PKIB: variants seen among roughly 807,000 people sequenced by gnomAD.
PKIB encodes cAMP-dependent protein kinase inhibitor beta.
A neutral mutation model predicts 4.5 loss-of-function variants in PKIB; 2 were observed. The ratio of observed to expected loss-of-function variants is 0.44; its 90% confidence interval spans 0.18 to 1.39. The LOEUF is 1.39. PKIB is among the 40% of genes most tolerant of loss of function. The pLI, the probability that PKIB is intolerant of heterozygous loss-of-function variation, is 0.27. For synonymous variants in PKIB, 38 were observed against 36.0 expected, an observed-to-expected ratio of 1.06 and a Z score of -0.20; for missense variants, 94 against 92.6, an observed-to-expected ratio of 1.02 and a Z score of -0.06.
intron 2 of PKIB, among the ~76,000 whole-genome samples, chr6:122,555,313 A>G (rs1269133792): frequency 1.3e-5 from 2 of 152,226 alleles, no homozygotes; most frequent in Non-Finnish European, 2.9e-5. Flanking sequence ...GAAAACACAC[A>G]ATGTATTCTA....
At chr6:122,576,961 A>AG (rs1321236957) in intron 2 of PKIB, among the ~76,000 whole-genome samples, 1 of 152,076 alleles carries the variant, frequency 6.6e-6, no homozygotes, top group Non-Finnish European at 1.5e-5. Flanking sequence ...GACAGCCACC[A>AG]GGTCTATCTC....
At chr6:122,588,100 T>G (rs1368888642) in intron 3 of PKIB, among the ~76,000 whole-genome samples, 1 of 152,182 alleles carries the variant, frequency 6.6e-6, no homozygotes. Context: ...TCCTTGCCCA[T>G]GCCTATGTCC....
chr6:122,694,270 C>T (rs1400737815), intron 3 of PKIB, among the ~76,000 whole-genome samples: 1 of 152,150 alleles, frequency 6.6e-6, no homozygotes, highest in Non-Finnish European at 1.5e-5. Flanking sequence ...GTCAGACATA[C>T]TGAATCAAAA....
At chr6:122,576,397 G>A (rs970177003) in intron 2 of PKIB, among the ~76,000 whole-genome samples, 6 of 151,664 alleles carry the variant, frequency 4.0e-5, no homozygotes, top group Admixed American at 1.3e-4. Context: ...GGCTGGGCGC[G>A]GTGGCTCACG....
intron 2 of PKIB, among the ~76,000 whole-genome samples, chr6:122,577,275 T>TA (rs370991764): frequency 2.9e-4 from 44 of 152,118 alleles, no homozygotes; most frequent in African/African-American, 8.4e-4. Context: ...ACTTTTAAGT[T>TA]AAAAAAAAGT....
chr6:122,524,323 C>T (rs1454841917), intron 2 of PKIB, among the ~76,000 whole-genome samples: 1 of 147,492 alleles, frequency 6.8e-6, no homozygotes, highest in Non-Finnish European at 1.5e-5. Context: ...TTTTCCTCTT[C>T]CTCCTCCTCC....
At chr6:122,612,666 G>A (rs1774810390) in intron 1 of PKIB, among the ~76,000 whole-genome samples, 1 of 152,068 alleles carries the variant, frequency 6.6e-6, no homozygotes, top group Non-Finnish European at 1.5e-5. Flanking sequence ...CCATTGTATG[G>A]ATATACCACA....
chr6:122,580,447 A>G (rs932222167), intron 2 of PKIB, among the ~76,000 whole-genome samples: 1 of 152,192 alleles, frequency 6.6e-6, no homozygotes, highest in African/African-American at 2.4e-5. Context: ...GTTATTCATT[A>G]AGTGAACTAT....
At chr6:122,690,059 G>A (rs1265003954) in intron 3 of PKIB, among the ~76,000 whole-genome samples, 1 of 151,804 alleles carries the variant, frequency 6.6e-6, no homozygotes, top group Non-Finnish European at 1.5e-5. Context: ...TTTGATATAA[G>A]TATAGTTACT....
intron 3 of PKIB, among the ~76,000 whole-genome samples, chr6:122,692,032 T>C (rs1042046486): frequency 1.3e-5 from 2 of 152,146 alleles, no homozygotes; most frequent in South Asian, 2.1e-4. Context: ...CTTTACTTTC[T>C]CCCAAACAAA....
At chr6:122,669,284 T>A (rs554084750) in intron 2 of PKIB, among the ~76,000 whole-genome samples, 2 of 152,326 alleles carry the variant, frequency 1.3e-5, no homozygotes, top group South Asian at 4.1e-4. Flanking sequence ...GAACTGTAAT[T>A]AATGCCTTTC....
intron 3 of PKIB, among the ~76,000 whole-genome samples, chr6:122,588,828 T>G (rs886443873): frequency 4.6e-5 from 7 of 152,254 alleles, no homozygotes; most frequent in East Asian, 1.9e-4. Context: ...TCTAGTCCTA[T>G]CTCCAAATTA....
At chr6:122,568,166 A>C (rs368085513) in intron 2 of PKIB, among the ~76,000 whole-genome samples, 11 of 152,296 alleles carry the variant, frequency 7.2e-5, no homozygotes, top group African/African-American at 2.4e-4. Flanking sequence ...TTTCAAAGGT[A>C]ATATGATGAA....
intron 2 of PKIB, among the ~76,000 whole-genome samples, chr6:122,528,958 C>T (rs546172410): frequency 6.6e-6 from 1 of 152,264 alleles, no homozygotes; most frequent in Admixed American, 6.5e-5. Flanking sequence ...CAAATGATCA[C>T]ACCGCTAACT....
intron 2 of PKIB, among the ~76,000 whole-genome samples, chr6:122,562,000 T>TAGATAC (rs1218652077): frequency 7.6e-6 from 1 of 131,706 alleles, no homozygotes; most frequent in Non-Finnish European, 1.5e-5. Flanking sequence ...TTTTGTTTTT[T>TAGATAC]TTTGTTTTTT....
intron 2 of PKIB, among the ~76,000 whole-genome samples, chr6:122,539,940 T>A (rs1319024460): frequency 6.6e-6 from 1 of 152,124 alleles, no homozygotes; most frequent in Non-Finnish European, 1.5e-5. Context: ...ATTTATCCAT[T>A]TCTTCTAGAT....
chr6:122,504,134 C>T lies in PKIB; in HGVS notation c.-248+26195C>T, dbSNP rs1031957567. Among the ~76,000 whole-genome samples the T allele has an allele frequency of 5.7e-4, 87 of 151,882 alleles. 1 individual carries two copies. The highest frequency in any genetic ancestry group is 5.5e-3 in the Admixed American group (84 of 15,258). On this transcript the variant is annotated intron_variant, in intron 2 of 6. Coordinates refer to the PKIB transcript ENST00000392491. ...TTGTTGCCTTTTGTGGTAGACTTTG[C>T]GGTAATGATAAATATTTTTTTTATG...
intron 2 of PKIB, among the ~76,000 whole-genome samples, chr6:122,528,346 A>T (rs572568186): frequency 6.6e-6 from 1 of 152,104 alleles, no homozygotes; most frequent in Non-Finnish European, 1.5e-5. Flanking sequence ...CATTCAGTCA[A>T]TCTCTGTTCT....
intron 2 of PKIB, among the ~76,000 whole-genome samples, chr6:122,485,591 C>T (rs1182650713): frequency 6.6e-6 from 1 of 152,066 alleles, no homozygotes; most frequent in Non-Finnish European, 1.5e-5. Context: ...GGGAAGCACA[C>T]GTGGTAAACA....
Sources: allele counts gnomAD v4.1 joint callset (sites outside exome capture counted in the v4.1 genomes callset), GRCh38; gene constraint gnomAD v4.1.1; transcripts MANE v1.5; gene names NCBI Gene and HGNC (gene_info 2026-07-23, HGNC 2026-07-21).